Variants in CHL1 observed in about 807,000 individuals in gnomAD.
CHL1 encodes cell adhesion molecule L1 like.
A neutral mutation model predicts 141.9 loss-of-function variants in CHL1; 96 were observed. That is an observed-to-expected ratio of 0.68 (90% CI 0.57 to 0.80). CHL1 has a LOEUF of 0.80. Among genes scored for constraint, CHL1 ranks in the 30% least tolerant of loss-of-function variants. The pLI, the probability that CHL1 is intolerant of heterozygous loss-of-function variation, is 0.00. For missense variants in CHL1, 1,820 were observed against 1,457.2 expected (o/e 1.25, Z -4.05); for synonymous variants, 613 against 502.2 (o/e 1.22, Z -2.95).
At chr3:390,486 CTTTG>C (rs1708131067) in intron 20 of CHL1, among the ~76,000 whole-genome samples, 1 of 152,172 alleles carries the variant, frequency 6.6e-6, no homozygotes, top group Admixed American at 6.5e-5. Flanking sequence ...ATCTGGAGGG[CTTTG>C]TTTCTCAGTG....
chr3:299,781 C>A (rs1242239802), intron 2 of CHL1, among the ~76,000 whole-genome samples: 1 of 152,100 alleles, frequency 6.6e-6, no homozygotes, highest in Non-Finnish European at 1.5e-5. Context: ...ACTAGGAGGA[C>A]AATTAGTCAT....
At chr3:379,631 A>G (rs1706781208) in intron 16 of CHL1, among the ~76,000 whole-genome samples, 1 of 152,102 alleles carries the variant, frequency 6.6e-6, no homozygotes, top group Admixed American at 6.6e-5. Flanking sequence ...TCCTTACAAA[A>G]TTTAAAAGTT....
At chr3:340,542 T>A (rs1702269922) in intron 5 of CHL1, among the ~76,000 whole-genome samples, 1 of 152,194 alleles carries the variant, frequency 6.6e-6, no homozygotes, top group Non-Finnish European at 1.5e-5. Context: ...TGTTATTGCC[T>A]TATTGTTGTC....
chr3:399,598 C>G, intron 26 of CHL1, among the ~76,000 whole-genome samples: 1 of 152,176 alleles, frequency 6.6e-6, no homozygotes, highest in East Asian at 1.9e-4. Context: ...TGAGATCATG[C>G]CACTGTACTT....
intron 5 of CHL1, among the ~76,000 whole-genome samples, chr3:338,053 AC>A (rs1702065769): frequency 6.6e-6 from 1 of 152,116 alleles, no homozygotes; most frequent in South Asian, 2.1e-4. Flanking sequence ...TTTAGTAGAG[AC>A]GGGGTTTCAC....
At chr3:280,756 G>C (rs1696566991) in intron 2 of CHL1, among the ~76,000 whole-genome samples, 1 of 152,082 alleles carries the variant, frequency 6.6e-6, no homozygotes, top group Admixed American at 6.6e-5. Context: ...GGAAAAATTT[G>C]GTTGGTTGGG....
At chr3:288,701 C>T (rs1245699615) in intron 2 of CHL1, among the ~76,000 whole-genome samples, 5 of 152,202 alleles carry the variant, frequency 3.3e-5, no homozygotes, top group Admixed American at 2.6e-4. Flanking sequence ...GGGCGGGATG[C>T]GCTCCATCTT....
intron 2 of CHL1, among the ~76,000 whole-genome samples, chr3:249,270 C>T (rs1693461171): frequency 6.6e-6 from 1 of 152,144 alleles, no homozygotes; most frequent in South Asian, 2.1e-4. Flanking sequence ...ATCAAAGCCT[C>T]TGATCAAAGG....
intron 11 of CHL1, among the ~76,000 whole-genome samples, chr3:358,302 A>G (rs1247110433): frequency 6.6e-6 from 1 of 152,000 alleles, no homozygotes; most frequent in Non-Finnish European, 1.5e-5. Flanking sequence ...CATCTCTCTG[A>G]CCATCCTTCC....
At chr3:399,457 T>A (rs578156106) in intron 26 of CHL1, among the ~76,000 whole-genome samples, 1 of 152,080 alleles carries the variant, frequency 6.6e-6, no homozygotes, top group East Asian at 1.9e-4. Context: ...CTGGCCAACA[T>A]GATGAAACCC....
intron 26 of CHL1, 93 bp downstream of exon 26, chr3:399,241 C>A: frequency 1.0e-6 from 1 of 1,000,776 alleles, no homozygotes; most frequent in Non-Finnish European, 1.5e-6. Flanking sequence ...AATACACATT[C>A]AAGTCAAATT....
rs149842470 is a variant in CHL1 at position 289,201 on chromosome 3, A to G, written c.-94-30482A>G. On this transcript the variant is annotated intron_variant, in intron 2 of 27. Transcript: ENST00000256509. ...AGGGAGTCATGAAACAAACATCTAT[A>G]TAATATTTTGGGGATTAAAAATGCA... Among the ~76,000 whole-genome samples, 973 of 152,332 alleles carry G rather than the reference A, an allele frequency of 6.4e-3. 19 individuals carry two copies. Among genetic ancestry groups the G allele is most frequent in the African/African-American group, 0.022 (905 of 41,584 alleles).
At chr3:285,849 T>A (rs529349879) in intron 2 of CHL1, among the ~76,000 whole-genome samples, 3 of 151,980 alleles carry the variant, frequency 2.0e-5, no homozygotes, top group African/African-American at 7.2e-5. Context: ...AAAAAAAAAA[T>A]GTGCCTGCCT....
At chr3:313,730 G>A (rs1309380115) in intron 2 of CHL1, among the ~76,000 whole-genome samples, 1 of 152,118 alleles carries the variant, frequency 6.6e-6, no homozygotes, top group South Asian at 2.1e-4. Flanking sequence ...TGTATGCATT[G>A]TTGCCTTTCT....
At chr3:365,632 A>C (rs111875576) in intron 14 of CHL1, among the ~76,000 whole-genome samples, 11 of 152,246 alleles carry the variant, frequency 7.2e-5, no homozygotes, top group African/African-American at 1.9e-4. Context: ...ATCCAGAAGC[A>C]CTTGAAGGAG....
intron 15 of CHL1, 141 bp from the exon 16 acceptor site, chr3:377,677 C>A: frequency 1.5e-6 from 1 of 657,346 alleles, no homozygotes. Flanking sequence ...CTGTGGCATT[C>A]TCTAATCAAA....
intron 2 of CHL1, among the ~76,000 whole-genome samples, chr3:296,681 C>A (rs537920543): frequency 7.9e-5 from 12 of 152,092 alleles, no homozygotes; most frequent in African/African-American, 2.4e-4. Flanking sequence ...TGAGCCTGCA[C>A]TTGGGAAAAA....
chr3:246,450 T>C (rs1033779048), intron 2 of CHL1: 1 of 152,082 alleles, frequency 6.6e-6, no homozygotes, highest in Non-Finnish European at 1.5e-5. Context: ...GTTTTCATTG[T>C]GCTAGGGAAA....
At chr3:341,801 G>T in intron 6 of CHL1, 111 bp from the exon 7 acceptor site, 1 of 924,482 alleles carries the variant, frequency 1.1e-6, no homozygotes, top group Non-Finnish European at 1.6e-6. Flanking sequence ...AGGAATTAAA[G>T]AGCAAACAGG....
Sources: gnomAD v4.1 joint callset for allele counts (sites outside exome capture counted in the v4.1 genomes callset) on GRCh38, gnomAD v4.1.1 for gene constraint, MANE v1.5 for transcripts, NCBI Gene and HGNC (gene_info 2026-07-23, HGNC 2026-07-21) for gene names.